FNIP2: variants seen among roughly 807,000 people sequenced by gnomAD.
FNIP2 encodes folliculin interacting protein 2, also known as folliculin-interacting protein 2.
In FNIP2, 32 loss-of-function variants were observed where a neutral mutation model predicts 108.7. That is an observed-to-expected ratio of 0.29 (90% confidence interval 0.22 to 0.40). FNIP2 has a LOEUF of 0.40. Among genes scored for constraint, FNIP2 ranks in the 10% least tolerant of loss-of-function variants. The pLI is 1.00. For missense variants in FNIP2, 1,202 were observed against 1,381.6 expected (o/e 0.87, Z 2.06); for synonymous variants, 480 against 496.7 (o/e 0.97, Z 0.45).
chr4:158,884,760 G>A (rs951261494), intron 14 of FNIP2, among the ~76,000 whole-genome samples: 2 of 152,134 alleles, frequency 1.3e-5, no homozygotes, highest in African/African-American at 2.4e-5. Flanking sequence ...TACAATCATG[G>A]CGGAAGGTGA....
chr4:158,795,863 G>C (rs936305729), intron 1 of FNIP2: 4 of 152,248 alleles, frequency 2.6e-5, no homozygotes, highest in African/African-American at 9.6e-5. Flanking sequence ...AACGCCTGAT[G>C]ACCTGAGGTG....
At chr4:158,776,522 G>A (rs892083266) in intron 1 of FNIP2, among the ~76,000 whole-genome samples, 10 of 152,154 alleles carry the variant, frequency 6.6e-5, no homozygotes, top group African/African-American at 2.4e-4. Context: ...GGAAAAGTAT[G>A]TTATCATTCA....
chr4:158,807,991 TA>T (rs1213280984), intron 1 of FNIP2, among the ~76,000 whole-genome samples: 6 of 152,176 alleles, frequency 3.9e-5, no homozygotes, highest in Non-Finnish European at 7.3e-5. Flanking sequence ...TAGGAGAGAG[TA>T]ACGGAGTGAC....
rs1251747031 is a variant in FNIP2 at position 158,872,224 on chromosome 4, A to G, written c.2949+1755A>G. 9 of 985,310 alleles carry G rather than the reference A, an allele frequency of 9.1e-6. No homozygotes were observed. The East Asian group carries it at 6.8e-4, about 74-fold the overall frequency. The allele number at this position is 985,310 out of a possible 1,614,324, so 61.0% of individuals were successfully genotyped here. A position where few individuals can be genotyped will look rare whatever the true frequency, so the allele number is the denominator to read the frequency against. On this transcript the variant is annotated intron_variant, in intron 14 of 16. Coordinates refer to ENST00000264433, the MANE Select transcript of FNIP2 (RefSeq NM_020840.3). ...ACTGACCACTCTGGAAATGCAATCTATTGATTGATAACCCTCCTTGAACTT... is the reference window on the plus strand; with the variant it reads ...ACTGACCACTCTGGAAATGCAATCTGTTGATTGATAACCCTCCTTGAACTT...
intron 7 of FNIP2, among the ~76,000 whole-genome samples, chr4:158,837,757 G>A (rs1778890971): frequency 6.6e-6 from 1 of 152,242 alleles, no homozygotes; most frequent in South Asian, 2.1e-4. Flanking sequence ...ATACCAGTGT[G>A]AATTTTGAAA....
At chr4:158,824,350 TC>T (rs1261181084) in intron 1 of FNIP2, among the ~76,000 whole-genome samples, 1 of 152,222 alleles carries the variant, frequency 6.6e-6, no homozygotes, top group East Asian at 1.9e-4. Context: ...TTATATCATC[TC>T]CTAGTTTTAC....
At chr4:158,873,170 C>A (rs1404423231) in intron 14 of FNIP2, among the ~76,000 whole-genome samples, 1 of 151,252 alleles carries the variant, frequency 6.6e-6, no homozygotes, top group Non-Finnish European at 1.5e-5. Flanking sequence ...AAAAAACAAA[C>A]CTATTTTTTG....
At chr4:158,830,916 T>G (rs1778448024) in intron 3 of FNIP2, among the ~76,000 whole-genome samples, 1 of 152,180 alleles carries the variant, frequency 6.6e-6, no homozygotes, top group Admixed American at 6.5e-5. Context: ...AATGAATGTA[T>G]TGGGGTATAC....
intron 16 of FNIP2, among the ~76,000 whole-genome samples, chr4:158,901,744 ATC>A (rs1423122413): frequency 6.6e-6 from 1 of 151,360 alleles, no homozygotes; most frequent in Admixed American, 6.6e-5. Context: ...TTGATCTTCA[ATC>A]TCTGATAGCC....
chr4:158,812,658 C>G (rs1204264325), intron 1 of FNIP2, among the ~76,000 whole-genome samples: 1 of 151,912 alleles, frequency 6.6e-6, no homozygotes, highest in Non-Finnish European at 1.5e-5. Context: ...TACAGAATTC[C>G]CATGTACACC....
chr4:158,885,348 A>G (rs1200503102), intron 14 of FNIP2, among the ~76,000 whole-genome samples: 1 of 152,138 alleles, frequency 6.6e-6, no homozygotes, highest in African/African-American at 2.4e-5. Flanking sequence ...ATATGTACAG[A>G]TTGGGTGGGC....
rs144461387 is a variant in FNIP2, at chr4:158,869,187, G to C, written c.2551G>C (p.Glu851Gln). The C allele has an allele frequency of 6.4e-5, 103 of 1,614,064 alleles. 1 individual carries two copies. The African/African-American group carries it at 1.2e-3, about 19-fold the overall frequency. ...GAAGGCTGCGGAAGGACCTGTGCTG[G>C]AGCCTGTTGCCCCCAGGTGTGTCCA... ...YVKAAEGPVL[E>Q]PVAPRCVQRG... The change falls in exon 13 of 17, where the codon GAG becomes CAG. Residue 851 changes from glutamate to glutamine, a missense_variant. Glu to Gln is a conservative substitution (Grantham distance 29). This residue lies in a region of FNIP2 where 878 missense variants were observed against 990.3 expected (regional missense o/e 0.89). Coordinates refer to ENST00000264433, the MANE Select transcript of FNIP2 (RefSeq NM_020840.3).
intron 14 of FNIP2, chr4:158,871,963 C>T (rs1188960132): frequency 4.6e-5 from 45 of 984,680 alleles, no homozygotes; most frequent in Non-Finnish European, 5.3e-5. Flanking sequence ...CTTTTCTGTC[C>T]GCTCCTATTG....
intron 1 of FNIP2, among the ~76,000 whole-genome samples, chr4:158,795,560 T>G (rs1032252538): frequency 1.3e-5 from 2 of 152,212 alleles, no homozygotes; most frequent in African/African-American, 4.8e-5. Flanking sequence ...CCAAAGTTAC[T>G]TGAGGAAACA....
chr4:158,870,115 G>GTT (rs200235335), intron 13 of FNIP2, among the ~76,000 whole-genome samples, 198 bp from the exon 14 acceptor site: 1 of 151,532 alleles, frequency 6.6e-6, no homozygotes, highest in Admixed American at 6.6e-5. Flanking sequence ...GCCATGGATA[G>GTT]TTTTTTTTTC....
At chr4:158,855,538 C>T (rs1560804250) in intron 8 of FNIP2, among the ~76,000 whole-genome samples, 3 of 152,214 alleles carry the variant, frequency 2.0e-5, no homozygotes, top group Non-Finnish European at 2.9e-5. Flanking sequence ...ACCTCTGCTT[C>T]CCGGGTTCAA....
intron 16 of FNIP2, among the ~76,000 whole-genome samples, chr4:158,896,565 T>C (rs1782691964): frequency 6.6e-6 from 1 of 152,222 alleles, no homozygotes; most frequent in African/African-American, 2.4e-5. Flanking sequence ...ATATTTATAA[T>C]GTCGACGTTT....
Position 158,890,175 on chromosome 4 carries a change from CAAAT to C in FNIP2, c.2950-1266_2950-1263del, listed in dbSNP as rs550641979. 1,054 of 985,164 alleles carry C rather than the reference CAAAT, an allele frequency of 1.1e-3. 7 individuals carry two copies. In the African/African-American group the frequency reaches 0.016, roughly 15 times the overall value. 61.0% of individuals were successfully genotyped at this position (985,164 alleles called of 1,614,324 possible). On this transcript the variant is annotated intron_variant, in intron 14 of 16. Coordinates refer to ENST00000264433, the MANE Select transcript of FNIP2 (RefSeq NM_020840.3). ...TCATGTTTAAAATTATTTGAACAGACAAATAAATGTTGAACATCAGACTTTGCCT... is the reference window on the plus strand; with the variant it reads ...TCATGTTTAAAATTATTTGAACAGACAAATGTTGAACATCAGACTTTGCCT...
chr4:158,867,484 G>A (rs1034674424), intron 12 of FNIP2, among the ~76,000 whole-genome samples: 3 of 152,192 alleles, frequency 2.0e-5, no homozygotes, highest in Non-Finnish European at 2.9e-5. Context: ...AAGCCACTGC[G>A]CCTGGCCCAG....
Sources: gnomAD v4.1 joint callset for allele counts (sites outside exome capture counted in the v4.1 genomes callset) on GRCh38, gnomAD v4.1.1 for gene constraint, gnomAD v4.1.1 regional missense constraint, MANE v1.5 for transcripts, NCBI Gene and HGNC (gene_info 2026-07-23, HGNC 2026-07-21) for gene names.